SLC8A3: variants seen among roughly 807,000 people sequenced by gnomAD.
SLC8A3 encodes the protein sodium/calcium exchanger 3.
Under a neutral mutation model 65.4 loss-of-function variants are expected in SLC8A3, and 37 were observed. The observed-to-expected ratio is 0.57, with a 90% CI of 0.44 to 0.74. The LOEUF (loss-of-function observed/expected upper bound fraction) is 0.74, where lower values mean the gene tolerates loss of function less well. SLC8A3 is among the 30% of genes least tolerant of loss of function. The pLI, the probability that SLC8A3 is intolerant of heterozygous loss-of-function variation, is 0.00. For synonymous variants in SLC8A3, 461 were observed against 444.5 expected, an observed-to-expected ratio of 1.04 and a Z score of -0.47; for missense variants, 1,112 against 1,172.1, an observed-to-expected ratio of 0.95 and a Z score of 0.75.
chr14:70,116,522 G>A (rs1893679303), intron 2 of SLC8A3, among the ~76,000 whole-genome samples: 1 of 152,138 alleles, frequency 6.6e-6, no homozygotes, highest in African/African-American at 2.4e-5. Flanking sequence ...AGCAGGCCCA[G>A]GCCTTTAAGG....
At chr14:70,071,393 A>G (rs1890000057) in intron 2 of SLC8A3, among the ~76,000 whole-genome samples, 1 of 152,236 alleles carries the variant, frequency 6.6e-6, no homozygotes, top group African/African-American at 2.4e-5. Flanking sequence ...CTCTGGCTAA[A>G]GAAGAAGGGA....
chr14:70,046,429 G>A lies in SLC8A3; in HGVS notation c.2390-106C>T. ...GCTTGAGCTGGTGGGCTGAACCCAG[G>A]AATGAGAGACAAGGGCTAGGGGGCC... On this transcript the variant is annotated intron_variant, in intron 6 of 6. Transcript: ENST00000356921. This position sits in a 1 kb window ranked among gnomAD's most constrained non-coding sequence, Gnocchi z 4.2. 1 of 1,206,486 alleles carries A rather than the reference G, an allele frequency of 8.3e-7. No homozygotes were observed. The highest frequency in any genetic ancestry group is 1.1e-6 in the Non-Finnish European group (1 of 871,950). 74.7% of individuals were successfully genotyped at this position (1,206,486 alleles called of 1,614,324 possible). A position where few individuals can be genotyped will look rare whatever the true frequency, so the allele number is the denominator to read the frequency against.
chr14:70,080,871 CA>C (rs944621148), intron 2 of SLC8A3, among the ~76,000 whole-genome samples: 12 of 152,076 alleles, frequency 7.9e-5, no homozygotes, highest in African/African-American at 2.7e-4. Flanking sequence ...ACTGGGTCCT[CA>C]AAAGTGGCCT....
intron 2 of SLC8A3, among the ~76,000 whole-genome samples, chr14:70,092,925 A>T (rs985827359): frequency 3.3e-5 from 5 of 152,108 alleles, no homozygotes; most frequent in Admixed American, 1.3e-4. Context: ...AATAATATGG[A>T]CCATCTTATT....
chr14:70,109,546 C>T lies in SLC8A3; in HGVS notation c.1785-48607G>A, dbSNP rs141058938. Among the ~76,000 whole-genome samples, 1,283 of 151,936 alleles carry T rather than the reference C, an allele frequency of 8.4e-3. 14 individuals carry two copies. Among genetic ancestry groups the T allele is most frequent in the African/African-American group, 0.029 (1,189 of 41,444 alleles). On this transcript the variant is annotated intron_variant, in intron 2 of 6. Coordinates refer to ENST00000356921, the MANE Select transcript of SLC8A3 (RefSeq NM_182932.3). Reference sequence around the variant, plus strand: ...CTCAGTTCACTGCAACCTCCACCTCCTATGTTCAAGCAATTCTCCTGCCTC... The same window carrying T: ...CTCAGTTCACTGCAACCTCCACCTCTTATGTTCAAGCAATTCTCCTGCCTC...
chr14:70,049,551 A>G (rs1227190021), intron 5 of SLC8A3, among the ~76,000 whole-genome samples: 1 of 152,136 alleles, frequency 6.6e-6, no homozygotes, highest in African/African-American at 2.4e-5. Context: ...TGATGGGTGC[A>G]GCAAACCGCC....
intron 2 of SLC8A3, among the ~76,000 whole-genome samples, chr14:70,153,577 T>C (rs983872612): frequency 1.3e-5 from 2 of 152,162 alleles, no homozygotes; most frequent in African/African-American, 2.4e-5. Flanking sequence ...CTAGCACATA[T>C]GCTTGTCTTC....
At chr14:70,073,163 G>A (rs1245152266) in intron 2 of SLC8A3, among the ~76,000 whole-genome samples, 1 of 151,954 alleles carries the variant, frequency 6.6e-6, no homozygotes, top group African/African-American at 2.4e-5. Flanking sequence ...TACTGCTTAT[G>A]TGTGTATTCA....
At chr14:70,048,562 C>T (rs1026109483) in intron 6 of SLC8A3, 2 of 671,518 alleles carry the variant, frequency 3.0e-6, no homozygotes, top group Non-Finnish European at 5.4e-6. Context: ...CACATGGTGT[C>T]TGTCACATTG....
chr14:70,155,607 A>G (rs1000252591), intron 2 of SLC8A3, among the ~76,000 whole-genome samples: 27 of 152,230 alleles, frequency 1.8e-4, no homozygotes, highest in African/African-American at 6.3e-4. Context: ...TACATCTTTA[A>G]AAGTGGAATT....
rs36057761 is a variant in SLC8A3 at position 70,137,786 on chromosome 14, C to CTTTTTTTTT, written c.1784+28844_1784+28852dup. ...TCTCTGATTTGAGAGCTGGTGGTGC[C>CTTTTTTTTT]TTTTTTTTTTTTTTTTTCTAATTTG... On this transcript the variant is annotated intron_variant, in intron 2 of 6. Coordinates refer to ENST00000356921, the MANE Select transcript of SLC8A3 (RefSeq NM_182932.3). Among the ~76,000 whole-genome samples the CTTTTTTTTT allele has an allele frequency of 1.8e-3, 232 of 132,172 alleles. 2 individuals carry two copies. Among genetic ancestry groups the CTTTTTTTTT allele is most frequent in the Non-Finnish European group, 2.8e-3 (175 of 63,096 alleles). The allele number at this position is 132,172 out of a possible 152,430, so 86.7% of individuals were successfully genotyped here.
chr14:70,074,317 A>T, intron 2 of SLC8A3, among the ~76,000 whole-genome samples: 1 of 152,168 alleles, frequency 6.6e-6, no homozygotes, highest in East Asian at 1.9e-4. Context: ...TTTTTCTCCC[A>T]GTCAAAGGGG....
At chr14:70,175,200 T>C (rs767876848) in intron 1 of SLC8A3, among the ~76,000 whole-genome samples, 12 of 152,192 alleles carry the variant, frequency 7.9e-5, no homozygotes. Flanking sequence ...AAAAAAGTGA[T>C]GACAACAGCA....
chr14:70,159,246 TAA>T lies in SLC8A3; in HGVS notation c.1784+7391_1784+7392del, dbSNP rs375070306. ...CAACATGGCAAAACCCCGTCTCTAC[TAA>T]AAATACAAAAATTAGCCAGGCATGG... On this transcript the variant is annotated intron_variant, in intron 2 of 6. Coordinates refer to ENST00000356921, the MANE Select transcript of SLC8A3 (RefSeq NM_182932.3). 3.3e-5 allele frequency among the ~76,000 whole-genome samples: 5 copies of T among 151,952 alleles called. No individual in the cohort carries two copies. In the East Asian group the frequency reaches 9.7e-4, roughly 29 times the overall value.
intron 2 of SLC8A3, among the ~76,000 whole-genome samples, chr14:70,146,811 C>T (rs1895954361): frequency 6.6e-6 from 1 of 152,152 alleles, no homozygotes; most frequent in Non-Finnish European, 1.5e-5. Context: ...ACTGCTGAAT[C>T]CTAAGTGCAA....
intron 2 of SLC8A3, among the ~76,000 whole-genome samples, chr14:70,138,225 A>G (rs1438253720): frequency 6.6e-6 from 1 of 152,146 alleles, no homozygotes; most frequent in East Asian, 1.9e-4. Flanking sequence ...TGGTTTCTCA[A>G]ATAAAGAGAG....
chr14:70,077,777 G>C (rs61977420), intron 2 of SLC8A3, among the ~76,000 whole-genome samples: 1 of 152,120 alleles, frequency 6.6e-6, no homozygotes, highest in Non-Finnish European at 1.5e-5. Context: ...CTCTGCCCTC[G>C]CTTCAGTGAA....
chr14:70,156,331 G>A (rs139270308), intron 2 of SLC8A3, among the ~76,000 whole-genome samples: 9 of 152,336 alleles, frequency 5.9e-5, no homozygotes, highest in African/African-American at 2.2e-4. Flanking sequence ...CAGTATTGAA[G>A]AAATAGTGAC....
chr14:70,101,872 T>TGACA (rs1254461973), intron 2 of SLC8A3, among the ~76,000 whole-genome samples: 1 of 152,288 alleles, frequency 6.6e-6, no homozygotes, highest in Non-Finnish European at 1.5e-5. Context: ...CCACAGAAAG[T>TGACA]GACAGTTTAG....
Sources: gnomAD v4.1 joint callset for allele counts (sites outside exome capture counted in the v4.1 genomes callset) on GRCh38, gnomAD v4.1.1 for gene constraint, Gnocchi (gnomAD v3.1) non-coding constraint, MANE v1.5 for transcripts, NCBI Gene and HGNC (gene_info 2026-07-23, HGNC 2026-07-21) for gene names.